Variants in GRID2IP observed in about 807,000 individuals in gnomAD.
GRID2IP encodes delphilin.
A neutral mutation model predicts 114.3 loss-of-function variants in GRID2IP; 78 were observed. The observed-to-expected ratio is 0.68, with a 90% CI of 0.57 to 0.82. GRID2IP has a LOEUF of 0.82. Ranked by LOEUF, GRID2IP falls within the 40% of genes least tolerant of loss-of-function variation. GRID2IP has a pLI of 0.00. For missense variants in GRID2IP, 1,727 were observed against 1,678.5 expected, an observed-to-expected ratio of 1.03 and a Z score of -0.51; for synonymous variants, 809 against 724.0, an observed-to-expected ratio of 1.12 and a Z score of -1.89.
Position 6,532,659 on chromosome 7 carries a change from C to G in GRID2IP, c.585-5890G>C, listed in dbSNP as rs1779654888. Among the ~76,000 whole-genome samples, 1 of 152,234 alleles carries G rather than the reference C, an allele frequency of 6.6e-6. No individual in the cohort carries two copies. The highest frequency in any genetic ancestry group is 2.1e-4 in the South Asian group (1 of 4,830). On this transcript the variant is annotated intron_variant, in intron 2 of 21. Transcript: ENST00000457091. This position sits in a 1 kb window ranked among gnomAD's most constrained non-coding sequence, Gnocchi z 4.4. ...AGCAGCTGACAAGCCTCCCAGCCAG[C>G]ACAGCTCTCTGTCGTCTGTGGGGCC...
At chr7:6,533,953 A>G (rs1253181686) in intron 2 of GRID2IP, among the ~76,000 whole-genome samples, 1 of 152,092 alleles carries the variant, frequency 6.6e-6, no homozygotes, top group East Asian at 1.9e-4. Context: ...CCCAGTCCCA[A>G]TAACTCTATA....
At chr7:6,539,440 T>C (rs1779779466) in intron 2 of GRID2IP, among the ~76,000 whole-genome samples, 1 of 152,170 alleles carries the variant, frequency 6.6e-6, no homozygotes, top group Non-Finnish European at 1.5e-5. Flanking sequence ...GTGGTGACTT[T>C]GGATCAGAAG....
At position 6,551,388 on chromosome 7, in the gene GRID2IP, A is replaced by T. The variant is rs1779979659; in HGVS notation, c.49T>A (p.Phe17Ile). Residue 17 changes from phenylalanine (F) to isoleucine (I), a missense_variant, in exon 1 of 22, where the codon TTT (phenylalanine) becomes ATT (isoleucine). Coordinates refer to ENST00000457091, the MANE Select transcript of GRID2IP (RefSeq NM_001145118.2). The stretch of plus-strand genomic sequence containing the variant: ...CCAGAGCCACCTAGCCGGAAGCCAA[A>T]GTCCTCTGGCCAGCCCTGGTTCGTG... ...PATNQGWPEDFGFRLGGSGPC... is the reference protein window; with the variant it reads ...PATNQGWPEDIGFRLGGSGPC... 1.3e-6 allele frequency: 2 copies of T among 1,547,970 alleles called. No homozygotes were observed. The highest frequency in any genetic ancestry group is 1.7e-4 in the Middle Eastern group (1 of 5,930).
At position 6,508,092 on chromosome 7, in the gene GRID2IP, T is replaced by TG. The variant is rs1412460302; in HGVS notation, c.2436dup (p.Met813HisfsTer12). 2 of 1,036,708 alleles carry TG rather than the reference T, an allele frequency of 1.9e-6. No homozygotes were observed. Among genetic ancestry groups the TG allele is most frequent in the Non-Finnish European group, 2.5e-6 (2 of 808,056 alleles). The allele number at this position is 1,036,708 out of a possible 1,614,324, so 64.2% of individuals were successfully genotyped here. On this transcript the variant is annotated frameshift_variant, in exon 13 of 22. Coordinates refer to ENST00000457091, the MANE Select transcript of GRID2IP (RefSeq NM_001145118.2). LOFTEE classifies it high-confidence loss of function. The surrounding 1 kb of genome is among the most constrained non-coding windows in gnomAD (Gnocchi z 5.6). The stretch of plus-strand genomic sequence containing the variant: ...CGGTGGCCCAGGCCCCGGGACAGCA[T>TG]GGGGGGTGCACAGGGCACGGGTGGG...
chr7:6,498,052 A>G lies in GRID2IP; in HGVS notation c.3564+12T>C. 1 of 1,540,116 alleles carries G rather than the reference A, an allele frequency of 6.5e-7. No homozygotes were observed. Among genetic ancestry groups the G allele is most frequent in the African/African-American group, 1.4e-5 (1 of 72,712 alleles). On this transcript the variant is annotated intron_variant, in intron 21 of 21. Transcript: ENST00000457091. ...CTCCAAAAGGGCCCCTCAGGGCTCC[A>G]GCGAGGCTCACCTCGAATTTGCTCA...
At position 6,519,259 on chromosome 7, in the gene GRID2IP, C is replaced by G. The variant is rs373707329; in HGVS notation, c.1268+1319G>C. 6.6e-6 allele frequency among the ~76,000 whole-genome samples: 1 copy of G among 152,054 alleles called. No individual in the cohort carries two copies. The highest frequency in any genetic ancestry group is 2.4e-5 in the African/African-American group (1 of 41,412). ...AAAATGGACCGTGGTGATGTTTGCACGTATTTGTGAATATACTAAAAACCA... is the reference window on the plus strand; with the variant it reads ...AAAATGGACCGTGGTGATGTTTGCAGGTATTTGTGAATATACTAAAAACCA... On this transcript the variant is annotated intron_variant, in intron 7 of 21. Transcript: ENST00000457091. The surrounding 1 kb of genome is among the most constrained non-coding windows in gnomAD (Gnocchi z 4.1).
intron 8 of GRID2IP, among the ~76,000 whole-genome samples, chr7:6,513,688 C>T (rs1038172351): frequency 5.3e-5 from 8 of 152,292 alleles, no homozygotes; most frequent in South Asian, 2.1e-4. Context: ...TGGGAAGGCG[C>T]GTCCGTGGGG....
rs1786649740 is a variant in GRID2IP at position 6,508,136 on chromosome 7, G to A, written c.2393C>T (p.Pro798Leu). The A allele has an allele frequency of 6.6e-7, 1 of 1,509,822 alleles. No individual in the cohort carries two copies. The highest frequency in any genetic ancestry group is 8.9e-7 in the Non-Finnish European group (1 of 1,128,668). 93.5% of individuals were successfully genotyped at this position (1,509,822 alleles called of 1,614,324 possible). The change falls in exon 13 of 22, where the codon CCA becomes CTA. Residue 798 changes from proline to leucine, a missense_variant. Transcript: ENST00000457091. This position sits in a 1 kb window ranked among gnomAD's most constrained non-coding sequence, Gnocchi z 5.6. The part of the protein sequence containing the change: ...LTQLSHPVPP[P>L]PPPPLPPPVP... ...GGGTGGGGGCAGGGGCGGTGGGGGT[G>A]GTGGAGGGACTGGGTGGCTGAGTTG... is the stretch of plus-strand genomic sequence containing the variant.
At position 6,514,401 on chromosome 7, in the gene GRID2IP, C is replaced by T. The variant is rs1163273848; in HGVS notation, c.1397G>A (p.Cys466Tyr). The part of the protein sequence containing the change: ...EQELCQEKIA[C>Y]FLGYTAMTAE... ...TGTCATGGCCGTGTAGCCCAGGAAG[C>T]ATGCGATTTTCTCCTGACAGAGCTC... The change falls in exon 8 of 22, where the codon TGC (cysteine) becomes TAC (tyrosine). Residue 466 changes from cysteine to tyrosine, a missense_variant. By Grantham distance (194) the Cys-to-Tyr change is radical. Transcript: ENST00000457091. 6.5e-7 allele frequency: 1 copy of T among 1,540,836 alleles called. No individual in the cohort carries two copies. The highest frequency in any genetic ancestry group is 8.8e-7 in the Non-Finnish European group (1 of 1,140,494).
At position 6,502,100 on chromosome 7, in the gene GRID2IP, C is replaced by G; in HGVS notation, c.3169G>C (p.Val1057Leu). 6.4e-7 allele frequency: 1 copy of G among 1,551,484 alleles called. No homozygotes were observed. ...TGCAGGAAGGTGGACTTCCCATCCA[C>G]TGTCTTGGTGGAGTTCAGCTGCAAG... is the stretch of plus-strand genomic sequence containing the variant. ...FLTELNSTKT[V>L]DGKSTFLHIL... Residue 1057 changes from valine (V) to leucine (L), a missense_variant, in exon 19 of 22, where the codon GTG becomes CTG. By Grantham distance (32) the Val-to-Leu change is conservative. Transcript: ENST00000457091.
At chr7:6,498,001 C>A in intron 21 of GRID2IP, 63 bp downstream of exon 21, 1 of 1,469,714 alleles carries the variant, frequency 6.8e-7, no homozygotes, top group South Asian at 1.4e-5. Context: ...TGGAGGATCC[C>A]TTCATTTGGC....
chr7:6,496,809 T>C lies in GRID2IP; in HGVS notation c.*965A>G, dbSNP rs1485795377. On this transcript the variant is annotated 3_prime_UTR_variant, in exon 22 of 22. Transcript: ENST00000457091. ...ATCCAAGGATCTGTCAATCAGAGAATTTTAAAAAAGGTGAAACAGTTCACA... is the reference window on the plus strand; with the variant it reads ...ATCCAAGGATCTGTCAATCAGAGAACTTTAAAAAAGGTGAAACAGTTCACA... Among the ~76,000 whole-genome samples, 1 of 150,252 alleles carries C rather than the reference T, an allele frequency of 6.7e-6. No individual in the cohort carries two copies. Among genetic ancestry groups the C allele is most frequent in the East Asian group, 2.0e-4 (1 of 5,102 alleles).
chr7:6,503,479 T>C lies in GRID2IP; in HGVS notation c.2907+12A>G, dbSNP rs1291384481. 8 of 1,514,532 alleles carry C rather than the reference T, an allele frequency of 5.3e-6. No homozygotes were observed. The highest frequency in any genetic ancestry group is 7.0e-6 in the Non-Finnish European group (8 of 1,138,682). The allele number at this position is 1,514,532 out of a possible 1,614,324, so 93.8% of individuals were successfully genotyped here. A position where few individuals can be genotyped will look rare whatever the true frequency, so the allele number is the denominator to read the frequency against. ...CGGCCGAGGCCTCGGGGCGGGGTTG[T>C]GGTCGCGGCACCTGCAGGACGAACT... On this transcript the variant is annotated intron_variant, in intron 16 of 21. Coordinates refer to ENST00000457091, the MANE Select transcript of GRID2IP (RefSeq NM_001145118.2).
intron 8 of GRID2IP, among the ~76,000 whole-genome samples, chr7:6,513,642 T>C (rs745395890): frequency 2.0e-5 from 3 of 152,110 alleles, no homozygotes; most frequent in Non-Finnish European, 4.4e-5. Flanking sequence ...GTCTAAAGTC[T>C]CAGGTTATGT....
At chr7:6,515,693 G>A (rs1233676216) in intron 7 of GRID2IP, among the ~76,000 whole-genome samples, 3 of 151,626 alleles carry the variant, frequency 2.0e-5, no homozygotes, top group African/African-American at 4.8e-5. Context: ...CAGGAGAATC[G>A]CCTCGCCTGA....
rs1779248109 is a variant in GRID2IP at position 6,514,356 on chromosome 7, C to G, written c.1423+19G>C. On this transcript the variant is annotated intron_variant, in intron 8 of 21. Coordinates refer to ENST00000457091, the MANE Select transcript of GRID2IP (RefSeq NM_001145118.2). ...TCAGCAGCTGCAGGCAGGGAAGTGGCAGGGGAGAGGACGCTTACCTGTCAT... is the reference window on the plus strand; with the variant it reads ...TCAGCAGCTGCAGGCAGGGAAGTGGGAGGGGAGAGGACGCTTACCTGTCAT... The G allele has an allele frequency of 6.7e-7, 1 of 1,483,116 alleles. No individual in the cohort carries two copies. The highest frequency in any genetic ancestry group is 1.3e-5 in the South Asian group (1 of 75,428). 91.9% of individuals were successfully genotyped at this position (1,483,116 alleles called of 1,614,324 possible).
intron 2 of GRID2IP, among the ~76,000 whole-genome samples, chr7:6,537,107 G>T (rs977194369): frequency 6.6e-6 from 1 of 152,122 alleles, no homozygotes; most frequent in African/African-American, 2.4e-5. Flanking sequence ...GGGATCCGGG[G>T]AGGGAGAACA....
chr7:6,507,294 T>C lies in GRID2IP; in HGVS notation c.2544+691A>G, dbSNP rs1423637524. On this transcript the variant is annotated intron_variant, in intron 13 of 21. Transcript: ENST00000457091. The surrounding 1 kb of genome is among the most constrained non-coding windows in gnomAD (Gnocchi z 5.3). ...CTCCTCTGAGCTGGTCAAGCCCCAT[T>C]GGGGGTTCCATCTGGGAATGTCTCT... 1.3e-5 allele frequency among the ~76,000 whole-genome samples: 2 copies of C among 151,392 alleles called. No homozygotes were observed. Among genetic ancestry groups the C allele is most frequent in the East Asian group, 3.9e-4 (2 of 5,116 alleles).
Position 6,521,942 on chromosome 7 carries a change from T to C in GRID2IP, c.935A>G (p.Asn312Ser), listed in dbSNP as rs1280464883. Residue 312 changes from asparagine to serine, a missense_variant, in exon 5 of 22, where the codon AAT (asparagine) becomes AGT (serine). Coordinates refer to ENST00000457091, the MANE Select transcript of GRID2IP (RefSeq NM_001145118.2). This position sits in a 1 kb window ranked among gnomAD's most constrained non-coding sequence, Gnocchi z 4.1. ...ESVLPGSPAD[N>S]AALKSGDRIL... ...CCGGTCACCTGACTTGAGGGCAGCA[T>C]TGTCAGCTGGGCTCCCTGGAAGCAA... The C allele has an allele frequency of 9.0e-6, 14 of 1,551,246 alleles. No homozygotes were observed. The Admixed American group carries it at 1.8e-4, about 20-fold the overall frequency.
Sources: allele counts gnomAD v4.1 joint callset (sites outside exome capture counted in the v4.1 genomes callset), GRCh38; gene constraint gnomAD v4.1.1; non-coding constraint Gnocchi (gnomAD v3.1); transcripts MANE v1.5; gene names NCBI Gene and HGNC (gene_info 2026-07-23, HGNC 2026-07-21).